CNGA3: variants seen among roughly 807,000 people sequenced by gnomAD.
CNGA3 encodes the protein cyclic nucleotide gated channel subunit alpha 3, also known as cyclic nucleotide-gated channel alpha-3.
In CNGA3, 42 loss-of-function variants were observed where a neutral mutation model predicts 46.6. That is an observed-to-expected ratio of 0.90 (90% confidence interval 0.70 to 1.17). The LOEUF (loss-of-function observed/expected upper bound fraction) is 1.17, where lower values mean the gene tolerates loss of function less well. CNGA3 is among the 50% of genes most tolerant of loss of function. The pLI, the probability that CNGA3 is intolerant of heterozygous loss-of-function variation, is 0.00. For synonymous variants in CNGA3, 394 were observed against 369.4 expected (o/e 1.07, Z -0.76); for missense variants, 893 against 890.7 (o/e 1.00, Z -0.03).
chr2:98,378,015 C>A (rs1308455851), intron 3 of CNGA3: 1 of 1,539,906 alleles, frequency 6.5e-7, no homozygotes, highest in Non-Finnish European at 8.8e-7. Flanking sequence ...CTGCCTTTAT[C>A]TGAAATTGCT....
chr2:98,374,710 A>G (rs1050138729), intron 2 of CNGA3, among the ~76,000 whole-genome samples: 1 of 152,198 alleles, frequency 6.6e-6, no homozygotes, highest in Non-Finnish European at 1.5e-5. Flanking sequence ...AATGAAGTTT[A>G]CTATGTAAAC....
chr2:98,348,570 C>G (rs1205307850), intron 1 of CNGA3, among the ~76,000 whole-genome samples: 1 of 152,204 alleles, frequency 6.6e-6, no homozygotes, highest in African/African-American at 2.4e-5. Flanking sequence ...TCCCCTTCCT[C>G]CCTCATTCCC....
At chr2:98,350,477 A>G (rs531831361) in intron 1 of CNGA3, among the ~76,000 whole-genome samples, 1 of 152,354 alleles carries the variant, frequency 6.6e-6, no homozygotes, top group Non-Finnish European at 1.5e-5. Flanking sequence ...TTGGCTATGG[A>G]GAGCTCTGTT....
intron 4 of CNGA3, among the ~76,000 whole-genome samples, chr2:98,381,808 A>T (rs1574379369): frequency 6.6e-6 from 1 of 152,184 alleles, no homozygotes; most frequent in Non-Finnish European, 1.5e-5. Context: ...AGGACTGGGC[A>T]TCCAGTATCC....
At chr2:98,363,602 G>T (rs1010100608) in intron 1 of CNGA3, among the ~76,000 whole-genome samples, 4 of 152,156 alleles carry the variant, frequency 2.6e-5, no homozygotes, top group Admixed American at 6.5e-5. Flanking sequence ...TTTTCAAGGG[G>T]AATGCTTCCA....
intron 1 of CNGA3, among the ~76,000 whole-genome samples, chr2:98,352,485 T>G (rs1425152573): frequency 6.6e-6 from 1 of 152,200 alleles, no homozygotes; most frequent in African/African-American, 2.4e-5. Context: ...GCTACATCAT[T>G]TACATTCCCA....
intron 1 of CNGA3, among the ~76,000 whole-genome samples, chr2:98,357,469 C>T (rs2106077043): frequency 6.6e-6 from 1 of 152,336 alleles, no homozygotes; most frequent in African/African-American, 2.4e-5. Context: ...CTGCATTGCA[C>T]CCATCGTGCC....
intron 1 of CNGA3, among the ~76,000 whole-genome samples, chr2:98,360,586 A>G (rs1181636223): frequency 6.6e-6 from 1 of 152,236 alleles, no homozygotes; most frequent in African/African-American, 2.4e-5. Flanking sequence ...CCTGGCACAT[A>G]GTAAGTGCTC....
chr2:98,381,760 C>T (rs539534034), intron 4 of CNGA3, among the ~76,000 whole-genome samples: 8 of 152,174 alleles, frequency 5.3e-5, no homozygotes, highest in African/African-American at 1.9e-4. Flanking sequence ...AAGGCCTGGG[C>T]GCTGGCCCAG....
intron 6 of CNGA3, among the ~76,000 whole-genome samples, chr2:98,390,537 T>C (rs1320249336): frequency 6.6e-6 from 1 of 152,076 alleles, no homozygotes; most frequent in Non-Finnish European, 1.5e-5. Context: ...ACTGCTCCTC[T>C]TAGGGGAAGC....
rs1411824287 is a variant in CNGA3 at position 98,397,799 on chromosome 2, T to G, written c.*544T>G. On this transcript the variant is annotated 3_prime_UTR_variant, in exon 8 of 8. Coordinates refer to ENST00000272602, the MANE Select transcript of CNGA3 (RefSeq NM_001298.3). Reference sequence around the variant, plus strand: ...TTTGGGGCCCTAGAAACCCTGGCTTTTGGGAGTGCTATGGCAAGTAGAAGT... The same window carrying G: ...TTTGGGGCCCTAGAAACCCTGGCTTGTGGGAGTGCTATGGCAAGTAGAAGT... 1 of 161,600 alleles carries G rather than the reference T, an allele frequency of 6.2e-6. No homozygotes were observed. The highest frequency in any genetic ancestry group is 1.4e-5 in the Non-Finnish European group (1 of 72,976). 10.0% of individuals were successfully genotyped at this position (161,600 alleles called of 1,614,324 possible). A position where few individuals can be genotyped will look rare whatever the true frequency, so the allele number is the denominator to read the frequency against.
chr2:98,395,078 C>G (rs1368590886), intron 7 of CNGA3, among the ~76,000 whole-genome samples: 4 of 152,200 alleles, frequency 2.6e-5, no homozygotes, highest in East Asian at 3.8e-4. Context: ...GCACAGGCCA[C>G]AGATCTTACT....
In CNGA3 at chr2:98,377,230, G is replaced by A. The variant is rs539644741; in HGVS notation, c.102-457G>A. ...CCCAGGCAGTGTGGCTGCAGCACAC[G>A]CAGTGGGAAGGGAGGCTCAGAAAGA... On this transcript the variant is annotated intron_variant, in intron 2 of 7. Transcript: ENST00000272602. The A allele has an allele frequency of 5.0e-4, 89 of 178,678 alleles. 1 individual carries two copies. In the East Asian group the frequency reaches 0.011, roughly 21 times the overall value. The allele number at this position is 178,678 out of a possible 1,614,324, so 11.1% of individuals were successfully genotyped here.
chr2:98,374,587 G>A lies in CNGA3; in HGVS notation c.102-3100G>A, dbSNP rs574755280. Among the ~76,000 whole-genome samples the A allele has an allele frequency of 1.2e-4, 18 of 151,954 alleles. No individual in the cohort carries two copies. In the South Asian group the frequency reaches 3.1e-3, roughly 26 times the overall value. On this transcript the variant is annotated intron_variant, in intron 2 of 7. Transcript: ENST00000272602. ...TCGCCAAAAGCATCTCCTTTTTTTC[G>A]GTACCTGTGTGTCCTTGGGGACTCC...
chr2:98,347,530 G>A (rs1691662600), intron 1 of CNGA3, among the ~76,000 whole-genome samples: 1 of 152,346 alleles, frequency 6.6e-6, no homozygotes, highest in East Asian at 1.9e-4. Flanking sequence ...TCGGCCCTCT[G>A]CAGCGGGGGT....
chr2:98,362,115 G>T (rs1330528029), intron 1 of CNGA3, among the ~76,000 whole-genome samples: 2 of 145,082 alleles, frequency 1.4e-5, no homozygotes, highest in Non-Finnish European at 3.0e-5. Flanking sequence ...TTTTTCATAT[G>T]TTTATTAGCC....
At chr2:98,361,752 G>A (rs939820848) in intron 1 of CNGA3, among the ~76,000 whole-genome samples, 15 of 143,358 alleles carry the variant, frequency 1.0e-4, no homozygotes, top group Non-Finnish European at 1.8e-4. Flanking sequence ...CTGTCGCCCA[G>A]GCTGGAGTGC....
intron 4 of CNGA3, among the ~76,000 whole-genome samples, chr2:98,381,654 G>A (rs547570090): frequency 6.6e-5 from 10 of 152,298 alleles, no homozygotes; most frequent in Non-Finnish European, 7.3e-5. Context: ...GGGGAAAGGT[G>A]TGAGAATCCC....
rs552156279 is a variant in CNGA3, at chr2:98,369,584, C to A, written c.-37-355C>A. Among the ~76,000 whole-genome samples the A allele has an allele frequency of 3.3e-5, 5 of 152,340 alleles. No individual in the cohort carries two copies. In the South Asian group the frequency reaches 8.3e-4, roughly 25 times the overall value. On this transcript the variant is annotated intron_variant, in intron 1 of 7. Coordinates refer to ENST00000272602, the MANE Select transcript of CNGA3 (RefSeq NM_001298.3). Reference sequence around the variant, plus strand: ...AATAAGGAAACAAGAAAACCAGGGTCAAGAGGGACACTGCATCATCTCAAA... The same window carrying A: ...AATAAGGAAACAAGAAAACCAGGGTAAAGAGGGACACTGCATCATCTCAAA...
Sources: allele counts gnomAD v4.1 joint callset (sites outside exome capture counted in the v4.1 genomes callset), GRCh38; gene constraint gnomAD v4.1.1; transcripts MANE v1.5; gene names NCBI Gene and HGNC (gene_info 2026-07-23, HGNC 2026-07-21).